The following ANKRD31 variants were observed in gnomAD, a reference collection of about 807,000 sequenced individuals.
ANKRD31 encodes the protein ankyrin repeat domain-containing protein 31.
A neutral mutation model predicts 186.0 loss-of-function variants in ANKRD31; 147 were observed. The ratio of observed to expected loss-of-function variants is 0.79; its 90% CI spans 0.69 to 0.91. ANKRD31 has a LOEUF of 0.91. Among genes scored for constraint, ANKRD31 ranks in the 40% least tolerant of loss-of-function variants. The probability of loss-of-function intolerance (pLI) is 0.00; values close to 1 mark genes in which losing one functional copy is unlikely to be tolerated. For synonymous variants in ANKRD31, 673 were observed against 736.4 expected, an observed-to-expected ratio of 0.91 and a Z score of 1.39; for missense variants, 1,986 against 2,148.8, an observed-to-expected ratio of 0.92 and a Z score of 1.50.
intron 10 of ANKRD31, 110 bp downstream of exon 10, chr5:75,188,383 C>G (rs1337611080): frequency 6.6e-6 from 7 of 1,057,122 alleles, no homozygotes; most frequent in Non-Finnish European, 9.0e-6. Flanking sequence ...ATCTGAAAGC[C>G]TTCTGTTTGG....
intron 3 of ANKRD31, among the ~76,000 whole-genome samples, chr5:75,221,009 C>G (rs1225175907): frequency 6.6e-6 from 1 of 152,158 alleles, no homozygotes; most frequent in African/African-American, 2.4e-5. Flanking sequence ...AGAATGAGAT[C>G]ATGTCCTTTG....
Position 75,146,866 on chromosome 5 carries a change from G to T in ANKRD31, c.2545C>A (p.Pro849Thr). 6.5e-7 allele frequency: 1 copy of T among 1,536,312 alleles called. No individual in the cohort carries two copies. The highest frequency in any genetic ancestry group is 8.7e-7 in the Non-Finnish European group (1 of 1,146,318). Residue 849 changes from proline (P) to threonine (T), a missense_variant, in exon 14 of 26, where the codon CCA becomes ACA. Pro to Thr is a conservative substitution (Grantham distance 38). Transcript: ENST00000506364. The part of the protein sequence containing the change: ...GLLLHKEIKL[P>T]VVTTDKQPHT... ...GGCTGCTTATCTGTAGTAACAACTG[G>T]TAACTTGATTTCTTTATGTAATAAA...
At chr5:75,183,414 G>A (rs1373587911) in intron 10 of ANKRD31, among the ~76,000 whole-genome samples, 2 of 152,090 alleles carry the variant, frequency 1.3e-5, no homozygotes, top group African/African-American at 2.4e-5. Flanking sequence ...AAATCCTAGT[G>A]AGAGAAATTA....
At chr5:75,090,504 T>C (rs1208594202) in intron 23 of ANKRD31, among the ~76,000 whole-genome samples, 2 of 152,208 alleles carry the variant, frequency 1.3e-5, no homozygotes, top group African/African-American at 4.8e-5. Flanking sequence ...ATGCTTCCTA[T>C]TACTGGTACA....
chr5:75,224,142 T>C (rs1411502727), intron 2 of ANKRD31, among the ~76,000 whole-genome samples: 2 of 62,300 alleles, frequency 3.2e-5, no homozygotes, highest in Non-Finnish European at 5.4e-5. Context: ...TATATATATA[T>C]ATATATATAT....
intron 11 of ANKRD31, among the ~76,000 whole-genome samples, chr5:75,164,132 A>G (rs1425296489): frequency 6.6e-6 from 1 of 152,162 alleles, no homozygotes; most frequent in Non-Finnish European, 1.5e-5. Context: ...AGGACATTCA[A>G]GCAGCTCTAT....
intron 11 of ANKRD31, among the ~76,000 whole-genome samples, chr5:75,159,811 T>C (rs1157274110): frequency 6.6e-6 from 1 of 152,138 alleles, no homozygotes; most frequent in Non-Finnish European, 1.5e-5. Context: ...CAGATAATTA[T>C]GGGAGATAAT....
intron 10 of ANKRD31, among the ~76,000 whole-genome samples, chr5:75,172,926 C>A (rs895886294): frequency 2.6e-5 from 4 of 152,032 alleles, no homozygotes; most frequent in Non-Finnish European, 1.5e-5. Flanking sequence ...CTGGCAGAGA[C>A]ACAACAAAAA....
intron 10 of ANKRD31, among the ~76,000 whole-genome samples, chr5:75,171,108 C>T (rs929588138): frequency 6.6e-6 from 1 of 151,882 alleles, no homozygotes; most frequent in African/African-American, 2.4e-5. Flanking sequence ...AACAGCTGAA[C>T]AACATTATCA....
chr5:75,204,219 CATT>C (rs535428730), intron 5 of ANKRD31, among the ~76,000 whole-genome samples: 58 of 152,076 alleles, frequency 3.8e-4, no homozygotes, highest in Non-Finnish European at 6.0e-4. Flanking sequence ...ATAACAGTAT[CATT>C]GTTGTAATTC....
Position 75,236,742 on chromosome 5 carries a change from A to T in ANKRD31, c.-56T>A. ...CTCCTCTAACTCCCTCTTGCCCGCAAACAAAAAAACGCTTTGAGGGCCAGG... is the reference window on the plus strand; with the variant it reads ...CTCCTCTAACTCCCTCTTGCCCGCATACAAAAAAACGCTTTGAGGGCCAGG... On this transcript the variant is annotated 5_prime_UTR_variant, in exon 1 of 26. In the 5' UTR this introduces an upstream ATG that the reference lacks. Transcript: ENST00000506364. 1 of 1,362,846 alleles carries T rather than the reference A, an allele frequency of 7.3e-7. No individual in the cohort carries two copies. The highest frequency in any genetic ancestry group is 9.9e-7 in the Non-Finnish European group (1 of 1,011,398). 84.4% of individuals were successfully genotyped at this position (1,362,846 alleles called of 1,614,324 possible).
In ANKRD31 at chr5:75,104,905, T is replaced by C; in HGVS notation, c.4654A>G (p.Ser1552Gly). The C allele has an allele frequency of 6.5e-7, 1 of 1,537,240 alleles. No homozygotes were observed. The change falls in exon 22 of 26, where the codon AGC becomes GGC. Residue 1552 changes from serine (S) to glycine (G), a missense_variant. Ser to Gly is a moderately conservative substitution (Grantham distance 56, BLOSUM62 0). Coordinates refer to ENST00000506364, the MANE Select transcript of ANKRD31 (RefSeq NM_001372053.1). The part of the protein sequence containing the change: ...TQLSLETWNY[S>G]QNTNICLNSE... Reference sequence around the variant, plus strand: ...TTTAGACAAATGTTGGTATTTTGGCTGTAGTTCCAAGTTTCCAGAGACAAT... The same window carrying C: ...TTTAGACAAATGTTGGTATTTTGGCCGTAGTTCCAAGTTTCCAGAGACAAT...
At chr5:75,133,085 T>G (rs1283797985) in intron 17 of ANKRD31, among the ~76,000 whole-genome samples, 1 of 152,172 alleles carries the variant, frequency 6.6e-6, no homozygotes, top group Non-Finnish European at 1.5e-5. Flanking sequence ...CCGTCGATGC[T>G]AGGAAGAAAC....
intron 2 of ANKRD31, among the ~76,000 whole-genome samples, chr5:75,228,266 A>G (rs191313470): frequency 3.8e-3 from 576 of 152,294 alleles, no homozygotes; most frequent in African/African-American, 0.013. Context: ...ATTTTGCTCT[A>G]TTTTAACACA....
intron 11 of ANKRD31, among the ~76,000 whole-genome samples, chr5:75,157,427 T>C (rs1752261995): frequency 6.6e-6 from 1 of 152,144 alleles, no homozygotes; most frequent in Non-Finnish European, 1.5e-5. Flanking sequence ...GAGAAAAAGA[T>C]AAATTGAAGA....
intron 22 of ANKRD31, among the ~76,000 whole-genome samples, chr5:75,101,964 G>A (rs112462372): frequency 6.6e-6 from 1 of 152,170 alleles, no homozygotes; most frequent in African/African-American, 2.4e-5. Context: ...GCTTTGTTCC[G>A]TTGCTGTTGA....
chr5:75,104,969 A>C lies in ANKRD31; in HGVS notation c.4590T>G (p.Gly1530=). 1 of 1,536,544 alleles carries C rather than the reference A, an allele frequency of 6.5e-7. No individual in the cohort carries two copies. The highest frequency in any genetic ancestry group is 8.7e-7 in the Non-Finnish European group (1 of 1,146,822). The part of the protein sequence containing the change: ...SLENLEHPQS[G]SLSPVSGSMQ... ...TGCTTCCAGAAACAGGAGAAAGTGAACCTGATTGGGGATGCTCTAAATTTT... is the reference window on the plus strand; with the variant it reads ...TGCTTCCAGAAACAGGAGAAAGTGACCCTGATTGGGGATGCTCTAAATTTT... The change falls in exon 22 of 26, where the codon GGT becomes GGG. Residue 1530 remains glycine, a synonymous_variant. Transcript: ENST00000506364.
At chr5:75,181,931 CA>C (rs1000257781) in intron 10 of ANKRD31, among the ~76,000 whole-genome samples, 2 of 149,620 alleles carry the variant, frequency 1.3e-5, no homozygotes, top group Non-Finnish European at 1.5e-5. Context: ...ATGGTAGACT[CA>C]AAAAAAATAA....
chr5:75,100,067 T>C (rs1198153400), intron 22 of ANKRD31, among the ~76,000 whole-genome samples: 1 of 152,204 alleles, frequency 6.6e-6, no homozygotes, highest in African/African-American at 2.4e-5. Context: ...TTTAGTGCTA[T>C]AAATTTCCCT....
Sources: gnomAD v4.1 joint callset for allele counts (sites outside exome capture counted in the v4.1 genomes callset) on GRCh38, gnomAD v4.1.1 for gene constraint, MANE v1.5 for transcripts, NCBI Gene and HGNC (gene_info 2026-07-23, HGNC 2026-07-21) for gene names.